ATP11B: variants seen among roughly 807,000 people sequenced by gnomAD.
ATP11B encodes the protein ATPase phospholipid transporting 11B (putative).
ATP11B carries 81 observed loss-of-function variants against 157.8 expected under a neutral mutation model. That is an observed-to-expected ratio of 0.51 (90% CI 0.43 to 0.62). ATP11B has a LOEUF of 0.62. Among genes scored for constraint, ATP11B ranks in the 20% least tolerant of loss-of-function variants. The pLI is 0.00. For missense variants in ATP11B, 1,165 were observed against 1,402.2 expected, an observed-to-expected ratio of 0.83 and a Z score of 2.70; for synonymous variants, 451 against 469.4, an observed-to-expected ratio of 0.96 and a Z score of 0.51.
intron 8 of ATP11B, among the ~76,000 whole-genome samples, chr3:182,842,638 A>G (rs918343377): frequency 2.6e-5 from 4 of 152,122 alleles, no homozygotes; most frequent in African/African-American, 9.7e-5. Context: ...GGGGAAGAGT[A>G]GAGTCCTACC....
At chr3:182,822,337 T>A (rs553943946) in intron 2 of ATP11B, among the ~76,000 whole-genome samples, 114 of 152,236 alleles carry the variant, frequency 7.5e-4, no homozygotes, top group African/African-American at 2.6e-3. Flanking sequence ...CTCATTGTTC[T>A]GTTCCCACCT....
At chr3:182,881,927 C>A (rs1467446406) in intron 21 of ATP11B, among the ~76,000 whole-genome samples, 4 of 152,166 alleles carry the variant, frequency 2.6e-5, no homozygotes, top group Admixed American at 2.0e-4. Flanking sequence ...ATTTTAATAA[C>A]CTTTATCCTT....
At position 182,858,808 on chromosome 3, in the gene ATP11B, G is replaced by A. The variant is rs1018675110; in HGVS notation, c.1003-354G>A. On this transcript the variant is annotated intron_variant, in intron 11 of 29. Coordinates refer to ENST00000323116, the MANE Select transcript of ATP11B (RefSeq NM_014616.3). ...TTTAGTAGTTATCTGATTTTGAAGG[G>A]TAATAGTAGAATGGGATAAATACAC... Among the ~76,000 whole-genome samples the A allele has an allele frequency of 2.6e-5, 4 of 152,062 alleles. No homozygotes were observed. In the East Asian group the frequency reaches 7.7e-4, roughly 29 times the overall value.
intron 13 of ATP11B, 76 bp from the exon 14 acceptor site, chr3:182,866,192 A>T: frequency 8.9e-7 from 1 of 1,126,252 alleles, no homozygotes. Flanking sequence ...TCTAGATCTT[A>T]GAATTTTGCC....
chr3:182,898,385 G>T (rs1353350829), intron 27 of ATP11B, among the ~76,000 whole-genome samples: 1 of 151,778 alleles, frequency 6.6e-6, no homozygotes, highest in Non-Finnish European at 1.5e-5. Context: ...AGGGTTATCT[G>T]GTCAACTGCT....
chr3:182,910,903 C>T (rs1343518377), intron 28 of ATP11B, among the ~76,000 whole-genome samples: 1 of 151,878 alleles, frequency 6.6e-6, no homozygotes, highest in Non-Finnish European at 1.5e-5. Context: ...TTTACAAATA[C>T]AATAAAAATG....
chr3:182,847,678 A>G (rs2108521757), intron 9 of ATP11B, among the ~76,000 whole-genome samples: 1 of 152,274 alleles, frequency 6.6e-6, no homozygotes, highest in Non-Finnish European at 1.5e-5. Flanking sequence ...ATATTTATTG[A>G]TCATCTCTCA....
At position 182,867,398 on chromosome 3, in the gene ATP11B, A is replaced by G. The variant is rs554751308; in HGVS notation, c.1642A>G (p.Asn548Asp). The G allele has an allele frequency of 6.2e-7, 1 of 1,610,856 alleles. No homozygotes were observed. The highest frequency in any genetic ancestry group is 1.1e-5 in the South Asian group (1 of 90,970). The part of the protein sequence containing the change: ...AARIGIVFIG[N>D]SEETMEVKTL... ...TAGGATTGGTATTGTGTTTATTGGC[A>G]ATTCTGAAGAAACTATGGAGGTTAA... The change falls in exon 15 of 30, where the codon AAT (asparagine) becomes GAT (aspartate). Residue 548 changes from asparagine to aspartate, a missense_variant. By Grantham distance (23) the Asn-to-Asp change is conservative (BLOSUM62 1). Transcript: ENST00000323116.
intron 17 of ATP11B, among the ~76,000 whole-genome samples, chr3:182,870,982 C>G (rs140547621): frequency 6.7e-6 from 1 of 148,964 alleles, no homozygotes; most frequent in Non-Finnish European, 1.5e-5. Flanking sequence ...ATTTTTAAGT[C>G]TACGCTTTCC....
At chr3:182,809,821 G>A (rs1576954080) in intron 1 of ATP11B, among the ~76,000 whole-genome samples, 1 of 152,290 alleles carries the variant, frequency 6.6e-6, no homozygotes, top group South Asian at 2.1e-4. Context: ...ACTAAATCAT[G>A]TATTTCTTTC....
At chr3:182,854,529 A>G (rs1218365235) in intron 10 of ATP11B, among the ~76,000 whole-genome samples, 2 of 152,182 alleles carry the variant, frequency 1.3e-5, no homozygotes, top group African/African-American at 4.8e-5. Flanking sequence ...ACTTAGAAAG[A>G]TATCTTTATG....
intron 12 of ATP11B, among the ~76,000 whole-genome samples, chr3:182,860,264 A>G (rs1720735489): frequency 6.6e-6 from 1 of 152,216 alleles, no homozygotes; most frequent in Non-Finnish European, 1.5e-5. Context: ...CACTTGATTA[A>G]TAATTTAGCT....
In ATP11B at chr3:182,915,890, T is replaced by C. The variant is rs943642752; in HGVS notation, c.3452+1896T>C. The C allele has an allele frequency of 5.6e-5, 54 of 965,564 alleles. No individual in the cohort carries two copies. In the African/African-American group the frequency reaches 9.2e-4, roughly 16 times the overall value. 59.8% of individuals were successfully genotyped at this position (965,564 alleles called of 1,614,324 possible). A position where few individuals can be genotyped will look rare whatever the true frequency, so the allele number is the denominator to read the frequency against. ...GAATTTTTTTATTCTCCTAATAAAA[T>C]GTTTAACTTAGTAATTAATATCATA... On this transcript the variant is annotated intron_variant, in intron 29 of 29. Transcript: ENST00000323116.
chr3:182,884,788 A>C lies in ATP11B; in HGVS notation c.2545A>C (p.Asn849His). 1 of 1,599,376 alleles carries C rather than the reference A, an allele frequency of 6.3e-7. No homozygotes were observed. Among genetic ancestry groups the C allele is most frequent in the Non-Finnish European group, 8.5e-7 (1 of 1,175,840 alleles). Residue 849 changes from asparagine to histidine, a missense_variant, in exon 22 of 30, where the codon AAC (asparagine) becomes CAC (histidine). Asn to His is a moderately conservative substitution (Grantham distance 68). Transcript: ENST00000323116. ...TAAAGAAGGAAGACAGGCTGCAAGA[A>C]ACAGTGACTATGCAATAGCCAGATT... is the stretch of plus-strand genomic sequence containing the variant. The part of the protein sequence containing the change: ...MGKEGRQAAR[N>H]SDYAIARFKF...
At chr3:182,845,009 T>TAA (rs59074422) in intron 8 of ATP11B, among the ~76,000 whole-genome samples, 11 of 112,102 alleles carry the variant, frequency 9.8e-5, no homozygotes, top group Admixed American at 4.5e-4. Context: ...TTTTTTTATT[T>TAA]TTTTTTATTT....
chr3:182,815,133 ATCCAG>A (rs1156650517), intron 1 of ATP11B, among the ~76,000 whole-genome samples: 1 of 152,184 alleles, frequency 6.6e-6, no homozygotes, highest in Non-Finnish European at 1.5e-5. Flanking sequence ...GCTTGAAAAA[ATCCAG>A]TCCCAACTCA....
At chr3:182,843,985 A>T (rs549425612) in intron 8 of ATP11B, 1 of 152,188 alleles carries the variant, frequency 6.6e-6, no homozygotes, top group Non-Finnish European at 1.5e-5. Flanking sequence ...TTTGATTTTT[A>T]TAGGGAAATA....
chr3:182,845,031 T>A (rs554374862), intron 8 of ATP11B, among the ~76,000 whole-genome samples: 6 of 144,372 alleles, frequency 4.2e-5, no homozygotes, highest in African/African-American at 7.8e-5. Flanking sequence ...TGAGATGGAG[T>A]CTCACTCTTG....
At chr3:182,916,768 A>G in intron 29 of ATP11B, 1 of 985,194 alleles carries the variant, frequency 1.0e-6, no homozygotes, top group South Asian at 4.7e-5. Context: ...ATTCTGTGTA[A>G]GCAATGTGGA....
Sources: gnomAD v4.1 joint callset for allele counts (sites outside exome capture counted in the v4.1 genomes callset) on GRCh38, gnomAD v4.1.1 for gene constraint, MANE v1.5 for transcripts, NCBI Gene and HGNC (gene_info 2026-07-23, HGNC 2026-07-21) for gene names.